Variants in BNC2 observed in about 807,000 individuals in gnomAD.
The protein encoded by BNC2 is zinc finger protein basonuclin-2.
In BNC2, 20 loss-of-function variants were observed where a neutral mutation model predicts 76.3. The ratio of observed to expected loss-of-function variants is 0.26; its 90% CI spans 0.18 to 0.38. The LOEUF (loss-of-function observed/expected upper bound fraction) is 0.38. Among genes scored for constraint, BNC2 ranks in the 10% least tolerant of loss-of-function variants. The probability of loss-of-function intolerance (pLI) is 1.00; values close to 1 mark genes in which losing one functional copy is unlikely to be tolerated. For missense variants in BNC2, 1,382 were observed against 1,399.8 expected (o/e 0.99, Z 0.20); for synonymous variants, 582 against 514.8 (o/e 1.13, Z -1.77).
chr9:16,596,277 T>C (rs1241456443), intron 3 of BNC2, among the ~76,000 whole-genome samples: 3 of 152,016 alleles, frequency 2.0e-5, no homozygotes, highest in Non-Finnish European at 4.4e-5. Flanking sequence ...AGGGGAAAAA[T>C]ATATTTTCTG....
rs1270473298 is a variant in BNC2 at position 16,752,013 on chromosome 9, A to G, written c.4-13528T>C. ...CACTGCACTCCAGCCTGGACAACAG[A>G]GCAAGACTCTAAAAACAAAAATATT... On this transcript the variant is annotated intron_variant, in intron 1 of 6. Transcript: ENST00000380672. Among the ~76,000 whole-genome samples, 2 of 152,190 alleles carry G rather than the reference A, an allele frequency of 1.3e-5. 1 individual carries two copies. The highest frequency in any genetic ancestry group is 2.9e-5 in the Non-Finnish European group (2 of 68,042).
intron 5 of BNC2, among the ~76,000 whole-genome samples, chr9:16,464,446 C>T (rs1488991785): frequency 1.3e-5 from 2 of 152,068 alleles, no homozygotes; most frequent in Non-Finnish European, 2.9e-5. Context: ...CAGCTGAGGT[C>T]ATTCAGGATC....
intron 1 of BNC2, among the ~76,000 whole-genome samples, chr9:16,802,937 G>C (rs1412471839): frequency 6.6e-6 from 1 of 152,160 alleles, no homozygotes. Flanking sequence ...ATAAGCTATT[G>C]CATTTTTAAA....
intron 4 of BNC2, among the ~76,000 whole-genome samples, chr9:16,558,065 C>G (rs1818893526): frequency 6.6e-6 from 1 of 152,122 alleles, no homozygotes; most frequent in Admixed American, 6.5e-5. Context: ...TCAGCCTGGT[C>G]TCGAACTTCT....
At chr9:16,680,858 C>T (rs539142864) in intron 3 of BNC2, among the ~76,000 whole-genome samples, 10 of 152,270 alleles carry the variant, frequency 6.6e-5, no homozygotes, top group African/African-American at 2.4e-4. Flanking sequence ...AGTGTACTTT[C>T]TCTTTTTTAA....
chr9:16,468,609 T>C (rs1415481187), intron 5 of BNC2, among the ~76,000 whole-genome samples: 1 of 152,126 alleles, frequency 6.6e-6, no homozygotes, highest in East Asian at 1.9e-4. Flanking sequence ...TTGGCCAGAA[T>C]GGTCTTGATC....
At chr9:16,505,537 T>C (rs767704990) in intron 5 of BNC2, among the ~76,000 whole-genome samples, 23 of 152,260 alleles carry the variant, frequency 1.5e-4, no homozygotes, top group Non-Finnish European at 2.8e-4. Context: ...GAGAAAACTC[T>C]GCCTGGAGGG....
chr9:16,581,715 C>T (rs187340530), intron 4 of BNC2, among the ~76,000 whole-genome samples: 55 of 152,208 alleles, frequency 3.6e-4, no homozygotes, highest in Admixed American at 9.8e-4. Context: ...TGAAGAGAGA[C>T]GAAATCATTG....
chr9:16,469,618 A>T (rs1056128302), intron 5 of BNC2, among the ~76,000 whole-genome samples: 1 of 152,228 alleles, frequency 6.6e-6, no homozygotes, highest in Non-Finnish European at 1.5e-5. Context: ...TGCTGAAAAG[A>T]CACCCGAAAA....
At chr9:16,850,910 TG>T (rs1427418011) in intron 1 of BNC2, among the ~76,000 whole-genome samples, 1 of 152,168 alleles carries the variant, frequency 6.6e-6, no homozygotes, top group Non-Finnish European at 1.5e-5. Context: ...GCTTATGTCA[TG>T]GAAGATTTGC....
At chr9:16,507,656 T>A (rs2131868388) in intron 5 of BNC2, among the ~76,000 whole-genome samples, 1 of 152,284 alleles carries the variant, frequency 6.6e-6, no homozygotes, top group East Asian at 1.9e-4. Flanking sequence ...CTTGAACTCC[T>A]GACCTTGTGA....
chr9:16,709,202 G>C (rs912547149), intron 3 of BNC2, among the ~76,000 whole-genome samples: 6 of 152,132 alleles, frequency 3.9e-5, no homozygotes, highest in Non-Finnish European at 7.3e-5. Context: ...GGGAGATGAA[G>C]TGGGGAGGGG....
intron 1 of BNC2, among the ~76,000 whole-genome samples, chr9:16,847,439 TCACTGAGCCTACATTACAAATTAAGGAA>T (rs1819016841): frequency 9.2e-6 from 1 of 108,118 alleles, no homozygotes; most frequent in Admixed American, 1.2e-4. Flanking sequence ...CCTGAAGCTT[TCACTGAGCCTACATTACAAATTAAGGAA>T]GTTGACTTTA....
chr9:16,555,424 T>C (rs142561622), intron 4 of BNC2, among the ~76,000 whole-genome samples: 11 of 152,158 alleles, frequency 7.2e-5, no homozygotes, highest in South Asian at 4.1e-4. Flanking sequence ...TCCCTAGATA[T>C]GCTTTCGAGA....
At chr9:16,843,989 A>C (rs1818899698) in intron 1 of BNC2, among the ~76,000 whole-genome samples, 1 of 152,184 alleles carries the variant, frequency 6.6e-6, no homozygotes, top group Non-Finnish European at 1.5e-5. Context: ...TTGTTCATTT[A>C]AAAATCTTTT....
chr9:16,612,056 AAAAT>A (rs71325977), intron 3 of BNC2, among the ~76,000 whole-genome samples: 130,722 of 150,216 alleles, frequency 0.87, 57,854 homozygotes, highest in East Asian at 0.98. Context: ...ATCTAACACT[AAAAT>A]AAATAACTAG....
chr9:16,450,218 A>G (rs1367318898), intron 5 of BNC2, among the ~76,000 whole-genome samples: 1 of 152,254 alleles, frequency 6.6e-6, no homozygotes, highest in East Asian at 1.9e-4. Context: ...CCACTGCTGC[A>G]TCACAGTGAC....
rs1825640848 is a variant in BNC2, at chr9:16,764,654, G to A, written c.4-26169C>T. 2.0e-5 allele frequency among the ~76,000 whole-genome samples: 3 copies of A among 151,018 alleles called. No homozygotes were observed. In the South Asian group the frequency reaches 6.3e-4, roughly 31 times the overall value. ...AATTATAGCTCACATTTCCTTTCTT[G>A]AAACTACTAATATAACATTTTAACC... On this transcript the variant is annotated intron_variant, in intron 1 of 6. Coordinates refer to ENST00000380672, the MANE Select transcript of BNC2 (RefSeq NM_017637.6).
chr9:16,820,925 G>C (rs10962622), intron 1 of BNC2, among the ~76,000 whole-genome samples: 32,968 of 151,994 alleles, frequency 0.22, 4,127 homozygotes, highest in East Asian at 0.46. Context: ...ATTCAAGTAG[G>C]CCAGGCGCAG....
Sources: allele counts gnomAD v4.1 joint callset (sites outside exome capture counted in the v4.1 genomes callset), GRCh38; gene constraint gnomAD v4.1.1; transcripts MANE v1.5; gene names NCBI Gene and HGNC (gene_info 2026-07-23, HGNC 2026-07-21).